The following NPAS2 variants were observed in gnomAD, a reference collection of about 807,000 sequenced individuals.
NPAS2 encodes the protein neuronal PAS domain protein 2.
A neutral mutation model predicts 107.5 loss-of-function variants in NPAS2; 23 were observed. The ratio of observed to expected loss-of-function variants is 0.21; its 90% CI spans 0.15 to 0.30. The LOEUF (loss-of-function observed/expected upper bound fraction) is 0.30. NPAS2 is among the 10% of genes least tolerant of loss of function. The pLI is 1.00. For missense variants in NPAS2, 756 were observed against 1,043.3 expected (o/e 0.72, Z 3.79); for synonymous variants, 403 against 417.5 (o/e 0.97, Z 0.42).
chr2:100,822,885 T>C (rs2104307819), intron 1 of NPAS2: 1 of 152,324 alleles, frequency 6.6e-6, no homozygotes, highest in Admixed American at 6.5e-5. Context: ...GGCTGCATCA[T>C]AGCAAGCATC....
At chr2:100,979,950 C>T (rs1049638780) in intron 15 of NPAS2, among the ~76,000 whole-genome samples, 1 of 152,208 alleles carries the variant, frequency 6.6e-6, no homozygotes, top group African/African-American at 2.4e-5. Flanking sequence ...ATTTTTCTCT[C>T]ACTCCCCTCA....
chr2:100,971,026 G>C lies in NPAS2; in HGVS notation c.1092G>C (p.Leu364=), dbSNP rs1676513402. ...ADVRVERRQE[L]ALEDPPSEAL... is the part of the protein sequence containing the mutation. ...TCCGGGTGGAAAGGAGGCAGGAGCT[G>C]GCTCTGGAAGACCCGCCATCCGAGG... Residue 364 remains leucine (L), a synonymous_variant, in exon 12 of 21, where the codon CTG becomes CTC. Coordinates refer to ENST00000335681, the MANE Select transcript of NPAS2 (RefSeq NM_002518.4). The C allele has an allele frequency of 6.2e-7, 1 of 1,614,194 alleles. No homozygotes were observed. Among genetic ancestry groups the C allele is most frequent in the East Asian group, 2.2e-5 (1 of 44,866 alleles).
At chr2:100,831,921 T>C (rs3896080) in intron 1 of NPAS2, among the ~76,000 whole-genome samples, 87,656 of 151,710 alleles carry the variant, frequency 0.58, 26,352 homozygotes, top group East Asian at 0.75. Context: ...CAAACCCATA[T>C]TCTTTTTGCC....
intron 15 of NPAS2, among the ~76,000 whole-genome samples, chr2:100,978,953 C>G (rs1343235101): frequency 6.6e-6 from 1 of 152,214 alleles, no homozygotes; most frequent in Non-Finnish European, 1.5e-5. Flanking sequence ...TCAGTTCCCT[C>G]ATAGGAGACT....
chr2:100,953,389 A>C (rs547878693), intron 7 of NPAS2, among the ~76,000 whole-genome samples: 6 of 151,508 alleles, frequency 4.0e-5, no homozygotes, highest in African/African-American at 1.2e-4. Context: ...AAAAAAAAAA[A>C]ACAAAAAAAA....
At chr2:100,849,308 C>T (rs373527312) in intron 1 of NPAS2, among the ~76,000 whole-genome samples, 10 of 152,158 alleles carry the variant, frequency 6.6e-5, no homozygotes, top group East Asian at 3.9e-4. Context: ...TTTAGCTAAA[C>T]GGTCACCTCC....
rs1223806420 is a variant in NPAS2, at chr2:100,896,682, C to T, written c.-22-8051C>T. 2.0e-4 allele frequency among the ~76,000 whole-genome samples: 31 copies of T among 152,174 alleles called. 1 individual carries two copies. The highest frequency in any genetic ancestry group is 2.0e-3 in the Admixed American group (30 of 15,286). ...TTTAATTTTAGTCACCAGGATATAA[C>T]TGTCCCTTCAAATGTACTTTGTAAG... On this transcript the variant is annotated intron_variant, in intron 1 of 20. Transcript: ENST00000335681.
intron 15 of NPAS2, among the ~76,000 whole-genome samples, chr2:100,979,176 TA>T (rs1368707086): frequency 6.6e-6 from 1 of 151,988 alleles, no homozygotes; most frequent in Non-Finnish European, 1.5e-5. Context: ...AAGATTGGTG[TA>T]AAAAAGCTAC....
intron 5 of NPAS2, among the ~76,000 whole-genome samples, chr2:100,946,679 G>A (rs1674917640): frequency 6.6e-6 from 1 of 152,188 alleles, no homozygotes; most frequent in Admixed American, 6.5e-5. Context: ...TCCTCTGACT[G>A]CTGATGGAGA....
chr2:100,940,474 G>A (rs1206917211), intron 5 of NPAS2, among the ~76,000 whole-genome samples: 1 of 152,210 alleles, frequency 6.6e-6, no homozygotes, highest in Non-Finnish European at 1.5e-5. Flanking sequence ...TTGCAATTTT[G>A]TTGAGAGATT....
chr2:100,881,618 G>A (rs774781864), intron 1 of NPAS2, among the ~76,000 whole-genome samples: 12 of 152,124 alleles, frequency 7.9e-5, no homozygotes, highest in Admixed American at 6.5e-5. Context: ...CCCAGGAGGC[G>A]GAGGTTGCGG....
At chr2:100,943,047 C>G (rs1029000148) in intron 5 of NPAS2, among the ~76,000 whole-genome samples, 2 of 152,186 alleles carry the variant, frequency 1.3e-5, no homozygotes, top group Admixed American at 1.3e-4. Context: ...TGAACGTTTG[C>G]AAGCATCCCT....
intron 2 of NPAS2, among the ~76,000 whole-genome samples, chr2:100,922,289 C>A (rs1683274847): frequency 6.6e-6 from 1 of 152,140 alleles, no homozygotes; most frequent in African/African-American, 2.4e-5. Context: ...CCTTATAACT[C>A]CAAAGCCTGG....
chr2:100,954,851 A>AT (rs1558907473), intron 7 of NPAS2, among the ~76,000 whole-genome samples: 7 of 147,544 alleles, frequency 4.7e-5, no homozygotes, highest in South Asian at 2.3e-4. Context: ...CACTAACATC[A>AT]TTTTTTTGTT....
chr2:100,860,669 A>G (rs1678883056), intron 1 of NPAS2, among the ~76,000 whole-genome samples: 1 of 152,094 alleles, frequency 6.6e-6, no homozygotes, highest in South Asian at 2.1e-4. Context: ...TCTCTATATC[A>G]GTATGGGTTT....
chr2:100,927,048 C>T (rs1683621043), intron 3 of NPAS2, among the ~76,000 whole-genome samples: 1 of 150,644 alleles, frequency 6.6e-6, no homozygotes, highest in African/African-American at 2.4e-5. Flanking sequence ...ACACCATTCT[C>T]CTGCCTCAGC....
rs1308502808 is a variant in NPAS2 at position 100,820,992 on chromosome 2, C to G, written c.-23+578C>G. 2 of 1,263,570 alleles carry G rather than the reference C, an allele frequency of 1.6e-6. No individual in the cohort carries two copies. Among genetic ancestry groups the G allele is most frequent in the South Asian group, 1.3e-5 (1 of 75,632 alleles). The allele number at this position is 1,263,570 out of a possible 1,614,324, so 78.3% of individuals were successfully genotyped here. On this transcript the variant is annotated intron_variant, in intron 1 of 20. Coordinates refer to ENST00000335681, the MANE Select transcript of NPAS2 (RefSeq NM_002518.4). This position sits in a 1 kb window ranked among gnomAD's most constrained non-coding sequence, Gnocchi z 5.6. The stretch of plus-strand genomic sequence containing the variant: ...AGCCTGGCTCCTCACGTCGCTGCCG[C>G]CCCCCCACCCCAACTCCGGAGCTCC...
At chr2:100,970,827 C>T in intron 11 of NPAS2, 163 bp from the exon 12 acceptor site, 2 of 540,556 alleles carry the variant, frequency 3.7e-6, no homozygotes, top group South Asian at 2.7e-5. Context: ...GAGAACGACG[C>T]TCATTCCTTC....
intron 14 of NPAS2, 92 bp from the exon 15 acceptor site, chr2:100,977,618 G>A (rs377382066): frequency 2.5e-5 from 27 of 1,078,114 alleles, no homozygotes; most frequent in East Asian, 2.4e-4. Context: ...ACCCCAGTGC[G>A]GAACGCAGAG....
Sources: allele counts gnomAD v4.1 joint callset (sites outside exome capture counted in the v4.1 genomes callset), GRCh38; gene constraint gnomAD v4.1.1; non-coding constraint Gnocchi (gnomAD v3.1); transcripts MANE v1.5; gene names NCBI Gene and HGNC (gene_info 2026-07-23, HGNC 2026-07-21).